The following SPTBN1 variants were observed in gnomAD, a reference collection of about 807,000 sequenced individuals.
The protein encoded by SPTBN1 is spectrin beta chain, non-erythrocytic 1.
A neutral mutation model predicts 266.4 loss-of-function variants in SPTBN1; 32 were observed. The ratio of observed to expected loss-of-function variants is 0.12; its 90% CI spans 0.09 to 0.16. SPTBN1 has a LOEUF of 0.16. SPTBN1 is among the 10% of genes least tolerant of loss of function. The probability of loss-of-function intolerance (pLI) is 1.00; values close to 1 mark genes in which losing one functional copy is unlikely to be tolerated. For missense variants in SPTBN1, 2,296 were observed against 3,067.1 expected (o/e 0.75, Z 5.94); for synonymous variants, 1,336 against 1,162.2 (o/e 1.15, Z -3.04).
At position 54,533,606 on chromosome 2, in the gene SPTBN1, G is replaced by A. The variant is rs1255888016; in HGVS notation, c.148+7040G>A. On this transcript the variant is annotated intron_variant, in intron 2 of 35. Transcript: ENST00000356805. The surrounding 1 kb of genome is among the most constrained non-coding windows in gnomAD (Gnocchi z 4.2). ...GCTCTTGTCACCCAGGCTGTAGTAC[G>A]ATGGCGCGATCTTGGCTCACTGCAA... 1.3e-5 allele frequency among the ~76,000 whole-genome samples: 2 copies of A among 152,078 alleles called. No individual in the cohort carries two copies. Among genetic ancestry groups the A allele is most frequent in the Admixed American group, 6.5e-5 (1 of 15,268 alleles).
intron 3 of SPTBN1, among the ~76,000 whole-genome samples, chr2:54,611,057 A>T (rs548422531): frequency 2.8e-4 from 43 of 151,758 alleles, no homozygotes; most frequent in African/African-American, 9.9e-4. Context: ...ATACTGCTCA[A>T]ATGGTGCCAT....
chr2:54,561,655 T>C (rs2104473902), intron 2 of SPTBN1, among the ~76,000 whole-genome samples: 1 of 151,260 alleles, frequency 6.6e-6, no homozygotes, highest in African/African-American at 2.4e-5. Context: ...GATAAAATGG[T>C]TTATAGCGAT....
intron 1 of SPTBN1, among the ~76,000 whole-genome samples, chr2:54,462,598 G>C (rs1693421055): frequency 6.6e-6 from 1 of 152,162 alleles, no homozygotes. Context: ...AGTTGTTATG[G>C]TTTTGTGGAC....
At chr2:54,614,128 G>T (rs1373796709) in intron 4 of SPTBN1, among the ~76,000 whole-genome samples, 1 of 152,206 alleles carries the variant, frequency 6.6e-6, no homozygotes, top group Non-Finnish European at 1.5e-5. Context: ...ATAGGCTGCT[G>T]ATGTTACCGC....
intron 2 of SPTBN1, among the ~76,000 whole-genome samples, chr2:54,531,296 A>G (rs946127333): frequency 3.9e-5 from 6 of 152,188 alleles, no homozygotes; most frequent in African/African-American, 1.4e-4. Flanking sequence ...GGATTTAACA[A>G]TAATGTCAGG....
intron 1 of SPTBN1, among the ~76,000 whole-genome samples, chr2:54,497,067 A>G (rs1323824209): frequency 1.3e-5 from 2 of 152,252 alleles, no homozygotes; most frequent in Non-Finnish European, 2.9e-5. Flanking sequence ...ATAAACAGAC[A>G]GCATGGAACA....
intron 16 of SPTBN1, among the ~76,000 whole-genome samples, 167 bp downstream of exon 16, chr2:54,631,778 C>T (rs1678749585): frequency 1.3e-5 from 2 of 152,138 alleles, no homozygotes; most frequent in Admixed American, 1.3e-4. Context: ...TGAAATCCAT[C>T]ACGTTGTAGG....
chr2:54,515,329 C>T (rs920960733), intron 1 of SPTBN1, among the ~76,000 whole-genome samples: 1 of 152,214 alleles, frequency 6.6e-6, no homozygotes, highest in East Asian at 1.9e-4. Context: ...TGGTCTGCTG[C>T]ACAGCCAGCT....
At chr2:54,530,910 T>C (rs1005407245) in intron 2 of SPTBN1, among the ~76,000 whole-genome samples, 1 of 152,114 alleles carries the variant, frequency 6.6e-6, no homozygotes, top group African/African-American at 2.4e-5. Context: ...CTCCCATCCC[T>C]AGCTAGCCTC....
At chr2:54,530,353 C>CTTTTTT (rs549491367) in intron 2 of SPTBN1, among the ~76,000 whole-genome samples, 20,441 of 73,196 alleles carry the variant, frequency 0.28, 5,945 homozygotes, top group East Asian at 0.33. Flanking sequence ...TTGTAAAAAA[C>CTTTTTT]TTTTTTTTTT....
chr2:54,539,560 G>A (rs1241129298), intron 2 of SPTBN1, among the ~76,000 whole-genome samples: 3 of 152,002 alleles, frequency 2.0e-5, no homozygotes, highest in Admixed American at 2.0e-4. Context: ...TTTTTGTTGA[G>A]ACAGGGTCTT....
intron 3 of SPTBN1, among the ~76,000 whole-genome samples, chr2:54,610,454 G>A (rs958526693): frequency 6.6e-6 from 1 of 151,932 alleles, no homozygotes; most frequent in Non-Finnish European, 1.5e-5. Flanking sequence ...TTGTAGAGAC[G>A]GGTTTTTGCC....
intron 1 of SPTBN1, among the ~76,000 whole-genome samples, chr2:54,480,082 GACTTTT>G (rs992674279): frequency 6.6e-6 from 1 of 152,114 alleles, no homozygotes; most frequent in African/African-American, 2.4e-5. Flanking sequence ...AAGTAAAATT[GACTTTT>G]ACTTTTTCAG....
Position 54,628,215 on chromosome 2 carries a change from A to C in SPTBN1, c.1763A>C (p.Asn588Thr). 2 of 1,613,944 alleles carry C rather than the reference A, an allele frequency of 1.2e-6. No homozygotes were observed. Among genetic ancestry groups the C allele is most frequent in the Non-Finnish European group, 1.7e-6 (2 of 1,179,914 alleles). ...CAGGCAGAGCGGGTGAGAGGTGTCA[A>C]TGCCTCCGCCCAGAAGTTCGCAACA... Reference protein sequence around the residue: ...GIQAERVRGVNASAQKFATDG... With the variant: ...GIQAERVRGVTASAQKFATDG... Residue 588 changes from asparagine to threonine, a missense_variant, in exon 13 of 36, where the codon AAT (asparagine) becomes ACT (threonine). Coordinates refer to ENST00000356805, the MANE Select transcript of SPTBN1 (RefSeq NM_003128.3). The surrounding 1 kb of genome is among the most constrained non-coding windows in gnomAD (Gnocchi z 4.3).
chr2:54,579,130 C>T (rs1674696586), intron 2 of SPTBN1, among the ~76,000 whole-genome samples: 1 of 152,128 alleles, frequency 6.6e-6, no homozygotes, highest in Non-Finnish European at 1.5e-5. Context: ...TATATATTCC[C>T]ATTTTGTTCT....
intron 2 of SPTBN1, among the ~76,000 whole-genome samples, chr2:54,573,758 C>T (rs1352084307): frequency 6.6e-6 from 1 of 152,138 alleles, no homozygotes; most frequent in Non-Finnish European, 1.5e-5. Flanking sequence ...TATGGAGGGC[C>T]TCTGCCTGCG....
Position 54,622,471 on chromosome 2 carries a change from G to A in SPTBN1, c.1048G>A (p.Val350Met). Residue 350 changes from valine (V) to methionine (M), a missense_variant, in exon 9 of 36, where the codon GTG (valine) becomes ATG (methionine). This residue lies in a region of SPTBN1 where 148 missense variants were observed against 203.8 expected (regional missense o/e 0.73). Transcript: ENST00000356805. ...TCAGGCATTCAACACTTACCGCACT[G>A]TGGAGAAACCACCCAAGTAAGATGC... The part of the protein sequence containing the change: ...QLQAFNTYRT[V>M]EKPPKFTEKG... The A allele has an allele frequency of 1.2e-6, 2 of 1,614,028 alleles. No individual in the cohort carries two copies. Among genetic ancestry groups the A allele is most frequent in the Non-Finnish European group, 1.7e-6 (2 of 1,179,940 alleles).
At chr2:54,633,616 A>T (rs1401173679) in intron 17 of SPTBN1, among the ~76,000 whole-genome samples, 2 of 152,226 alleles carry the variant, frequency 1.3e-5, no homozygotes, top group Non-Finnish European at 2.9e-5. Context: ...TGGATCAATC[A>T]CTAGCCCCTG....
In SPTBN1 at chr2:54,540,372, G is replaced by A. The variant is rs181014875; in HGVS notation, c.148+13806G>A. 1.3e-5 allele frequency among the ~76,000 whole-genome samples: 2 copies of A among 152,268 alleles called. No individual in the cohort carries two copies. The highest frequency in any genetic ancestry group is 2.1e-4 in the South Asian group (1 of 4,820). On this transcript the variant is annotated intron_variant, in intron 2 of 35. Coordinates refer to ENST00000356805, the MANE Select transcript of SPTBN1 (RefSeq NM_003128.3). The surrounding 1 kb of genome is among the most constrained non-coding windows in gnomAD (Gnocchi z 5.6). ...TGTTAACTTGGTAGAGATGGGTTTG[G>A]GAAATTTAAGGCATTGTTTGCTAGC...
Sources: allele counts gnomAD v4.1 joint callset (sites outside exome capture counted in the v4.1 genomes callset), GRCh38; gene constraint gnomAD v4.1.1; regional missense constraint gnomAD v4.1.1; non-coding constraint Gnocchi (gnomAD v3.1); transcripts MANE v1.5; gene names NCBI Gene and HGNC (gene_info 2026-07-23, HGNC 2026-07-21).